FLNC: variants seen among roughly 807,000 people sequenced by gnomAD.
FLNC encodes filamin C.
In FLNC, 91 loss-of-function variants were observed where a neutral mutation model predicts 254.3. That is an observed-to-expected ratio of 0.36 (90% CI 0.30 to 0.43). The LOEUF is 0.43. FLNC is among the 20% of genes least tolerant of loss of function. The pLI, the probability that FLNC is intolerant of heterozygous loss-of-function variation, is 1.00. For missense variants in FLNC, 2,853 were observed against 3,802.6 expected (o/e 0.75, Z 6.57); for synonymous variants, 1,430 against 1,577.2 (o/e 0.91, Z 2.21).
At chr7:128,853,155 C>T in intron 37 of FLNC, 124 bp downstream of exon 37, 1 of 1,025,840 alleles carries the variant, frequency 9.7e-7, no homozygotes, top group South Asian at 1.4e-5. Flanking sequence ...CAGTCTGCGT[C>T]AGGATTCGCA....
In FLNC at chr7:128,845,254, C is replaced by T. The variant is rs780906350; in HGVS notation, c.3789C>T (p.His1263=). ...TCTCAGGGCCTGGTGTTGAGCCACA[C>T]GGTGAGTGGACAGGAGGAGCCAAGA... ...VKVSGPGVEP[H]GVLREVTTEF... is the part of the protein sequence containing the mutation. The change falls in exon 21 of 48, where the codon CAC becomes CAT. Residue 1263 remains histidine, a splice_region_variant and synonymous_variant. Transcript: ENST00000325888. 1.1e-5 allele frequency: 18 copies of T among 1,611,284 alleles called. No individual in the cohort carries two copies. The highest frequency in any genetic ancestry group is 1.6e-4 in the Middle Eastern group (1 of 6,076).
intron 35 of FLNC, 67 bp from the exon 36 acceptor site, chr7:128,852,524 C>T: frequency 1.3e-6 from 2 of 1,586,888 alleles, no homozygotes; most frequent in Non-Finnish European, 1.7e-6. Context: ...CAGGAGGGTT[C>T]CTGAGCCCTG....
At position 128,840,614 on chromosome 7, in the gene FLNC, C is replaced by T. The variant is rs375570393; in HGVS notation, c.1616C>T (p.Pro539Leu). ...GGTGTGTTCGAGTGCGAGTACTACCCGGTGGTGCCTGGGAAGTATGTGGTG... is the reference window on the plus strand; with the variant it reads ...GGTGTGTTCGAGTGCGAGTACTACCTGGTGGTGCCTGGGAAGTATGTGGTG... ...GDGVFECEYY[P>L]VVPGKYVVTI... The change falls in exon 10 of 48, where the codon CCG becomes CTG. Residue 539 changes from proline to leucine, a missense_variant. Physicochemically the swap from Pro to Leu is moderately conservative, Grantham distance 98. Transcript: ENST00000325888. 3.5e-5 allele frequency: 56 copies of T among 1,614,080 alleles called. No individual in the cohort carries two copies. Among genetic ancestry groups the T allele is most frequent in the African/African-American group, 2.3e-4 (17 of 74,942 alleles).
rs202027738 is a variant in FLNC, at chr7:128,849,449, C to T, written c.5070C>T (p.Leu1690=). The T allele has an allele frequency of 1.5e-4, 239 of 1,614,190 alleles. No homozygotes were observed. In the Middle Eastern group the frequency reaches 2.3e-3, roughly 16 times the overall value. Reference sequence around the variant, plus strand: ...TGTCCACGCCGGATGGGGCAGAGCTCGATGTGGATGTGGTTGAGAACCATG... The same window carrying T: ...TGTCCACGCCGGATGGGGCAGAGCTTGATGTGGATGTGGTTGAGAACCATG... ...CTVSTPDGAE[L]DVDVVENHDG... is the part of the protein sequence containing the mutation. The change falls in exon 30 of 48, where the codon CTC becomes CTT. Residue 1690 remains leucine, a synonymous_variant. Coordinates refer to ENST00000325888, the MANE Select transcript of FLNC (RefSeq NM_001458.5).
chr7:128,850,409 T>C lies in FLNC; in HGVS notation c.5324T>C (p.Val1775Ala). 6.2e-7 allele frequency: 1 copy of C among 1,614,036 alleles called. No individual in the cohort carries two copies. Among genetic ancestry groups the C allele is most frequent in the South Asian group, 1.1e-5 (1 of 91,078 alleles). Residue 1775 changes from valine (V) to alanine (A), a missense_variant, in exon 32 of 48, where the codon GTG becomes GCG. Val to Ala is a moderately conservative substitution (Grantham distance 64). Around this residue, in one of 10 missense-constraint regions of FLNC, gnomAD observed 258 missense variants for 312.3 expected, o/e 0.83. Coordinates refer to ENST00000325888, the MANE Select transcript of FLNC (RefSeq NM_001458.5). ...HWATEEPVVPVEPMESMLRPF... is the reference protein window; with the variant it reads ...HWATEEPVVPAEPMESMLRPF... ...GCCACAGAGGAGCCAGTGGTGCCTG[T>C]GGAGCCAATGGAGTCCATGCTGAGG...
At position 128,840,157 on chromosome 7, in the gene FLNC, C is replaced by A. The variant is rs551122435; in HGVS notation, c.1546C>A (p.Pro516Thr). The stretch of plus-strand genomic sequence containing the variant: ...GGAGCTCAAGGTCACGGTCAAGGGG[C>A]CAAGTGAGTGCCAGAGCCCAGGGTC... ...SGELKVTVKG[P>T]KGTEEPVKVR... Residue 516 changes from proline to threonine, a missense_variant, in exon 9 of 48, where the codon CCA becomes ACA. By Grantham distance (38) the Pro-to-Thr change is conservative. Coordinates refer to ENST00000325888, the MANE Select transcript of FLNC (RefSeq NM_001458.5). The A allele has an allele frequency of 3.7e-6, 6 of 1,613,806 alleles. No homozygotes were observed. Among genetic ancestry groups the A allele is most frequent in the South Asian group, 1.1e-5 (1 of 91,086 alleles).
At position 128,853,396 on chromosome 7, in the gene FLNC, G is replaced by A; in HGVS notation, c.6209-73G>A. The A allele has an allele frequency of 5.0e-6, 8 of 1,590,082 alleles. No individual in the cohort carries two copies. In the South Asian group the frequency reaches 7.8e-5, roughly 16 times the overall value. On this transcript the variant is annotated intron_variant, in intron 37 of 47. Coordinates refer to ENST00000325888, the MANE Select transcript of FLNC (RefSeq NM_001458.5). ...GTGCCCATTCTGGGTGGAGCCTGCA[G>A]TCTGGGGAGAGGAAAGCATTGTGGC...
rs770906260 is a variant in FLNC at position 128,844,012 on chromosome 7, G to C, written c.2938G>C (p.Val980Leu). ...KVQGLNSKVAVGQEQAFSVNT... is the reference protein window; with the variant it reads ...KVQGLNSKVALGQEQAFSVNT... ...ACTTGCCCTCCACGCAGAGGTGGCT[G>C]TGGGACAGGAACAAGCATTCTCTGT... Residue 980 changes from valine to leucine, a missense_variant, in exon 20 of 48, where the codon GTG (valine) becomes CTG (leucine). Around this residue, in one of 10 missense-constraint regions of FLNC, gnomAD observed 1,573 missense variants for 1,883.5 expected, o/e 0.84. Transcript: ENST00000325888. 3.1e-6 allele frequency: 5 copies of C among 1,614,052 alleles called. No individual in the cohort carries two copies. Among genetic ancestry groups the C allele is most frequent in the Non-Finnish European group, 4.2e-6 (5 of 1,180,062 alleles).
In FLNC at chr7:128,854,419, C is replaced by T. The variant is rs1253540902; in HGVS notation, c.6734C>T (p.Ala2245Val). Residue 2245 changes from alanine to valine, a missense_variant, in exon 41 of 48, where the codon GCC becomes GTC. Physicochemically the swap from Ala to Val is moderately conservative, Grantham distance 64. Coordinates refer to ENST00000325888, the MANE Select transcript of FLNC (RefSeq NM_001458.5). ...CATCCCCCAAACCCTGCAGGTGAGG[C>T]CAGCTCTCAGGACATGACTGCACAG... is the stretch of plus-strand genomic sequence containing the variant. ...GSITRQQEGE[A>V]SSQDMTAQVT... 6.2e-7 allele frequency: 1 copy of T among 1,610,098 alleles called. No homozygotes were observed.
intron 1 of FLNC, among the ~76,000 whole-genome samples, chr7:128,831,310 C>T (rs1018786999): frequency 1.9e-4 from 29 of 152,338 alleles, no homozygotes; most frequent in African/African-American, 7.0e-4. Flanking sequence ...TTCCTTCCAT[C>T]GGGCAACCCT....
At position 128,856,693 on chromosome 7, in the gene FLNC, C is replaced by T; in HGVS notation, c.7384+43C>T. On this transcript the variant is annotated intron_variant, in intron 44 of 47. Coordinates refer to ENST00000325888, the MANE Select transcript of FLNC (RefSeq NM_001458.5). This position sits in a 1 kb window ranked among gnomAD's most constrained non-coding sequence, Gnocchi z 5.9. ...CTGCCAACTCCCTTCCGGGCTGGGG[C>T]CTTCTGGGGAGGGGAAGGATGGAGG... 3 of 1,613,910 alleles carry T rather than the reference C, an allele frequency of 1.9e-6. No homozygotes were observed. Among genetic ancestry groups the T allele is most frequent in the Admixed American group, 1.7e-5 (1 of 60,014 alleles).
chr7:128,856,458 G>A lies in FLNC; in HGVS notation c.7252-60G>A. On this transcript the variant is annotated intron_variant, in intron 43 of 47. Coordinates refer to ENST00000325888, the MANE Select transcript of FLNC (RefSeq NM_001458.5). This position sits in a 1 kb window ranked among gnomAD's most constrained non-coding sequence, Gnocchi z 5.9. ...ACAGTGAGCACCGTGTGGGGCTTCA[G>A]AGAAGACTGCTCCAGCCCCGGCCTC... 2 of 1,600,658 alleles carry A rather than the reference G, an allele frequency of 1.2e-6. No individual in the cohort carries two copies. The highest frequency in any genetic ancestry group is 1.7e-6 in the Non-Finnish European group (2 of 1,178,248).
At chr7:128,847,011 A>G in intron 24 of FLNC, 106 bp downstream of exon 24, 1 of 1,436,158 alleles carries the variant, frequency 7.0e-7, no homozygotes, top group Non-Finnish European at 9.7e-7. Flanking sequence ...ATGTTCATAG[A>G]GAGGACAGCC....
chr7:128,837,781 G>A (rs1451845201), intron 5 of FLNC, 26 bp downstream of exon 5: 1 of 1,547,484 alleles, frequency 6.5e-7, no homozygotes, highest in Non-Finnish European at 8.8e-7. Flanking sequence ...TGGGGACAGA[G>A]GGATTCACTT....
intron 5 of FLNC, 35 bp from the exon 6 acceptor site, chr7:128,837,952 T>C: frequency 6.3e-7 from 1 of 1,590,618 alleles, no homozygotes; most frequent in Non-Finnish European, 8.6e-7. Context: ...GCTATGGTCA[T>C]TGGAGAGGCT....
intron 23 of FLNC, 34 bp from the exon 24 acceptor site, chr7:128,846,711 C>A: frequency 1.2e-6 from 2 of 1,607,408 alleles, no homozygotes; most frequent in Non-Finnish European, 1.7e-6. Flanking sequence ...ACTCACTGGT[C>A]TTATGAAGCT....
At chr7:128,848,324 C>T (rs985205249) in intron 26 of FLNC, among the ~76,000 whole-genome samples, 2 of 152,146 alleles carry the variant, frequency 1.3e-5, no homozygotes, top group Admixed American at 6.5e-5. Flanking sequence ...CCTGGACCCT[C>T]CCACAGCACC....
chr7:128,844,967 G>T lies in FLNC; in HGVS notation c.3502G>T (p.Gly1168Cys), dbSNP rs199814952. Residue 1168 changes from glycine (G) to cysteine (C), a missense_variant, in exon 21 of 48, where the codon GGC becomes TGC. This residue lies in a region of FLNC where 1,573 missense variants were observed against 1,883.5 expected (regional missense o/e 0.84). Transcript: ENST00000325888. ...VRASGPGLER[G>C]KVGEAATFTV... Reference sequence around the variant, plus strand: ...GGCCAGTGGACCGGGCCTGGAGCGCGGCAAGGTCGGTGAGGCAGCCACCTT... The same window carrying T: ...GGCCAGTGGACCGGGCCTGGAGCGCTGCAAGGTCGGTGAGGCAGCCACCTT... The T allele has an allele frequency of 7.4e-6, 12 of 1,613,812 alleles. No individual in the cohort carries two copies. Among genetic ancestry groups the T allele is most frequent in the Non-Finnish European group, 9.3e-6 (11 of 1,180,020 alleles).
chr7:128,844,374 A>G, intron 20 of FLNC, 108 bp downstream of exon 20: 1 of 1,370,262 alleles, frequency 7.3e-7, no homozygotes, highest in Non-Finnish European at 9.8e-7. Context: ...GAGTGGGCAC[A>G]GCCAAGGGTG....
Sources: allele counts gnomAD v4.1 joint callset (sites outside exome capture counted in the v4.1 genomes callset), GRCh38; gene constraint gnomAD v4.1.1; regional missense constraint gnomAD v4.1.1; non-coding constraint Gnocchi (gnomAD v3.1); transcripts MANE v1.5; gene names NCBI Gene and HGNC (gene_info 2026-07-23, HGNC 2026-07-21).